The following CRHR1 variants were observed in gnomAD, a reference collection of about 807,000 sequenced individuals.
The protein encoded by CRHR1 is corticotropin-releasing hormone receptor 1.
In CRHR1, 28 loss-of-function variants were observed where a neutral mutation model predicts 56.0. The observed-to-expected ratio is 0.50, with a 90% CI of 0.37 to 0.69. The LOEUF is 0.69. Ranked by LOEUF, CRHR1 falls within the 30% of genes least tolerant of loss-of-function variation. CRHR1 has a pLI of 0.00. For missense variants in CRHR1, 376 were observed against 548.0 expected (o/e 0.69, Z 3.13); for synonymous variants, 195 against 216.5 (o/e 0.90, Z 0.87).
chr17:45,791,221 A>G (rs532292607), intron 1 of CRHR1, among the ~76,000 whole-genome samples: 15 of 114,002 alleles, frequency 1.3e-4, no homozygotes, highest in Non-Finnish European at 3.6e-5. Context: ...CTGGGGGACA[A>G]GGGGCTGGGC....
At chr17:45,795,664 A>T (rs1408330427) in intron 1 of CRHR1, among the ~76,000 whole-genome samples, 1 of 152,158 alleles carries the variant, frequency 6.6e-6, no homozygotes, top group African/African-American at 2.4e-5. Flanking sequence ...GAACGCATTT[A>T]AAAAACATAA....
At chr17:45,791,019 G>A (rs978193071) in intron 1 of CRHR1, among the ~76,000 whole-genome samples, 2 of 152,184 alleles carry the variant, frequency 1.3e-5, no homozygotes, top group Non-Finnish European at 2.9e-5. Context: ...AGTGATGGCC[G>A]CAGCATTGCC....
intron 2 of CRHR1, among the ~76,000 whole-genome samples, chr17:45,813,403 C>T (rs959419658): frequency 1.8e-4 from 27 of 150,620 alleles, no homozygotes; most frequent in African/African-American, 6.6e-4. Flanking sequence ...CATTTGGCTT[C>T]TCCTCCCCGT....
At chr17:45,802,324 A>G (rs2061638567) in intron 1 of CRHR1, among the ~76,000 whole-genome samples, 1 of 152,210 alleles carries the variant, frequency 6.6e-6, no homozygotes, top group Admixed American at 6.5e-5. Context: ...GACTGTCTCA[A>G]AAAACAAACA....
At chr17:45,805,512 G>T (rs529619537) in intron 1 of CRHR1, among the ~76,000 whole-genome samples, 52 of 152,338 alleles carry the variant, frequency 3.4e-4, no homozygotes, top group African/African-American at 1.2e-3. Context: ...AAGGGTCTGT[G>T]TCTGAGGCTC....
At chr17:45,817,427 G>A (rs1458660502) in intron 3 of CRHR1, among the ~76,000 whole-genome samples, 1 of 152,154 alleles carries the variant, frequency 6.6e-6, no homozygotes, top group Admixed American at 6.5e-5. Flanking sequence ...AGGGCACAGG[G>A]GTGAGCCCAG....
At chr17:45,794,226 G>A (rs972064200) in intron 1 of CRHR1, among the ~76,000 whole-genome samples, 1 of 152,224 alleles carries the variant, frequency 6.6e-6, no homozygotes, top group African/African-American at 2.4e-5. Flanking sequence ...CCTGTTTGAC[G>A]AGATGAGTCT....
rs2062278621 is a variant in CRHR1 at position 45,830,511 on chromosome 17, TC to T, written c.651del (p.Ile217MetfsTer60). 6.2e-7 allele frequency: 1 copy of T among 1,613,622 alleles called. No individual in the cohort carries two copies. The highest frequency in any genetic ancestry group is 1.3e-5 in the African/African-American group (1 of 74,934). On this transcript the variant is annotated frameshift_variant, in exon 7 of 13. Transcript: ENST00000314537. LOFTEE classifies it high-confidence loss of function. ...GAGGGCTGCTACCTGCACACAGCCA[TC>T]GTGCTCACCTACTCCACTGACCGGC... ...FGEGCYLHTA[I>X]VLTYSTDRLR...
chr17:45,797,298 T>C (rs1598402947), intron 1 of CRHR1, among the ~76,000 whole-genome samples: 1 of 142,056 alleles, frequency 7.0e-6, no homozygotes, highest in East Asian at 2.0e-4. Context: ...TTTTTTTTTT[T>C]TTTTTTTTTT....
Position 45,784,592 on chromosome 17 carries a change from G to T in CRHR1, c.33+15G>T, listed in dbSNP as rs768063949. The T allele has an allele frequency of 6.5e-6, 10 of 1,544,918 alleles. No homozygotes were observed. The East Asian group carries it at 2.5e-4, about 39-fold the overall frequency. ...GTCTCGTCAAGGTAACAGCCCGCCG[G>T]CCATCCCTCGAGCGCTGGCGCCCCC... is the stretch of plus-strand genomic sequence containing the variant. On this transcript the variant is annotated intron_variant, in intron 1 of 12. Coordinates refer to ENST00000314537, the MANE Select transcript of CRHR1 (RefSeq NM_004382.5). The surrounding 1 kb of genome is among the most constrained non-coding windows in gnomAD (Gnocchi z 4.2).
At chr17:45,817,489 TGCCCCTCATCTGGCCCTCA>T (rs1376279660) in intron 3 of CRHR1, among the ~76,000 whole-genome samples, 1 of 152,268 alleles carries the variant, frequency 6.6e-6, no homozygotes, top group East Asian at 1.9e-4. Flanking sequence ...AGCACATTGT[TGCCCCTCATCTGGCCCTCA>T]GCCCCTCATC....
chr17:45,784,393 G>T lies in CRHR1; in HGVS notation c.-152G>T, dbSNP rs920030382. Reference sequence around the variant, plus strand: ...CCGGGCCGGGCCGGGCCGCGGGGCCGGGAAGCGCCGAGCCGGGCATCTCCT... The same window carrying T: ...CCGGGCCGGGCCGGGCCGCGGGGCCTGGAAGCGCCGAGCCGGGCATCTCCT... On this transcript the variant is annotated 5_prime_UTR_variant, in exon 1 of 13. Coordinates refer to ENST00000314537, the MANE Select transcript of CRHR1 (RefSeq NM_004382.5). This position sits in a 1 kb window ranked among gnomAD's most constrained non-coding sequence, Gnocchi z 4.2. 1.9e-6 allele frequency: 1 copy of T among 515,338 alleles called. No homozygotes were observed. The highest frequency in any genetic ancestry group is 8.1e-5 in the South Asian group (1 of 12,400). 31.9% of individuals were successfully genotyped at this position (515,338 alleles called of 1,614,324 possible). A position where few individuals can be genotyped will look rare whatever the true frequency, so the allele number is the denominator to read the frequency against.
At chr17:45,833,693 T>TGGGGGCCCCCCCC in intron 10 of CRHR1, 21 bp from the exon 11 acceptor site, 13 of 1,571,506 alleles carry the variant, frequency 8.3e-6, no homozygotes, top group Non-Finnish European at 1.1e-5. Context: ...ACTCCGAGCC[T>TGGGGGCCCCCCCC]CCCCACCCGC....
intron 4 of CRHR1, chr17:45,827,734 A>G (rs1255161178): frequency 6.6e-6 from 1 of 152,264 alleles, no homozygotes; most frequent in Non-Finnish European, 1.5e-5. Flanking sequence ...AGGTTCCCCA[A>G]TGAGGGTGCT....
At chr17:45,810,646 C>T (rs942545664) in intron 2 of CRHR1, among the ~76,000 whole-genome samples, 3 of 152,164 alleles carry the variant, frequency 2.0e-5, no homozygotes, top group African/African-American at 4.8e-5. Context: ...GGTTTGCACA[C>T]GGCCCCATAT....
chr17:45,803,791 T>C (rs1392519024), intron 1 of CRHR1, among the ~76,000 whole-genome samples: 9 of 111,886 alleles, frequency 8.0e-5, no homozygotes, highest in South Asian at 3.4e-4. Context: ...CGCGTGCGCG[T>C]GTGTGCATGT....
At position 45,821,460 on chromosome 17, in the gene CRHR1, G is replaced by A; in HGVS notation, c.327+20G>A. 2 of 1,608,884 alleles carry A rather than the reference G, an allele frequency of 1.2e-6. No homozygotes were observed. The highest frequency in any genetic ancestry group is 1.7e-6 in the Non-Finnish European group (2 of 1,178,980). The stretch of plus-strand genomic sequence containing the variant: ...GAGGAGGTGAGGCTGAGCCGAACAA[G>A]GCTGCCCATATGGAGGGGAGTCCAG... On this transcript the variant is annotated intron_variant, in intron 4 of 12. Coordinates refer to ENST00000314537, the MANE Select transcript of CRHR1 (RefSeq NM_004382.5).
chr17:45,797,452 A>G (rs2061542724), intron 1 of CRHR1, among the ~76,000 whole-genome samples: 1 of 151,470 alleles, frequency 6.6e-6, no homozygotes, highest in South Asian at 2.1e-4. Flanking sequence ...CACCACGCCC[A>G]GCTAGTTTTT....
chr17:45,788,581 T>C (rs1375335677), intron 1 of CRHR1, among the ~76,000 whole-genome samples: 2 of 151,958 alleles, frequency 1.3e-5, no homozygotes. Context: ...ACTCAGGAGG[T>C]TGAGGTAAGG....
Sources: allele counts gnomAD v4.1 joint callset (sites outside exome capture counted in the v4.1 genomes callset), GRCh38; gene constraint gnomAD v4.1.1; non-coding constraint Gnocchi (gnomAD v3.1); transcripts MANE v1.5; gene names NCBI Gene and HGNC (gene_info 2026-07-23, HGNC 2026-07-21).